LRP1B: variants seen among roughly 807,000 people sequenced by gnomAD.
The protein encoded by LRP1B is LDL receptor related protein 1B, also known as low-density lipoprotein receptor-related protein 1B.
In LRP1B, 217 loss-of-function variants were observed where a neutral mutation model predicts 556.6. The observed-to-expected ratio is 0.39, with a 90% confidence interval of 0.35 to 0.44. The LOEUF (loss-of-function observed/expected upper bound fraction) is 0.44. Among genes scored for constraint, LRP1B ranks in the 20% least tolerant of loss-of-function variants. The pLI is 1.00. For missense variants in LRP1B, 5,053 were observed against 5,620.8 expected (o/e 0.90, Z 3.23); for synonymous variants, 2,047 against 1,865.8 (o/e 1.10, Z -2.50).
At chr2:141,358,058 A>G (rs555301040) in intron 3 of LRP1B, among the ~76,000 whole-genome samples, 2 of 152,346 alleles carry the variant, frequency 1.3e-5, no homozygotes, top group African/African-American at 4.8e-5. Context: ...GTATTGTTTT[A>G]TACTTCTGAA....
At chr2:141,843,151 C>T (rs543255931) in intron 1 of LRP1B, among the ~76,000 whole-genome samples, 1 of 152,134 alleles carries the variant, frequency 6.6e-6, no homozygotes, top group Admixed American at 6.5e-5. Context: ...TTTTGTTTCT[C>T]TAATGAATAT....
chr2:142,008,221 T>A (rs1319164191), intron 1 of LRP1B, among the ~76,000 whole-genome samples: 8 of 152,200 alleles, frequency 5.3e-5, no homozygotes, highest in Non-Finnish European at 1.5e-5. Flanking sequence ...AGATCCTCTG[T>A]CTTCTATAGC....
chr2:141,492,091 A>AAAAAAAAACAAAC (rs67960557), intron 2 of LRP1B, among the ~76,000 whole-genome samples: 1 of 100,194 alleles, frequency 1.0e-5, no homozygotes, highest in Admixed American at 1.3e-4. Context: ...AAAAAAAAAA[A>AAAAAAAAACAAAC]CACTAAGAAA....
chr2:140,779,338 T>A (rs1689607490), intron 32 of LRP1B, among the ~76,000 whole-genome samples: 1 of 152,140 alleles, frequency 6.6e-6, no homozygotes, highest in Non-Finnish European at 1.5e-5. Context: ...AGTGAAGCAA[T>A]GCCTAGGAAA....
chr2:140,471,165 G>T (rs1004470168), intron 60 of LRP1B, among the ~76,000 whole-genome samples: 2 of 152,146 alleles, frequency 1.3e-5, no homozygotes, highest in African/African-American at 2.4e-5. Context: ...AAATTGCCAA[G>T]TCTCTCACTG....
intron 2 of LRP1B, among the ~76,000 whole-genome samples, chr2:141,749,373 A>G (rs1175189266): frequency 1.3e-5 from 2 of 152,120 alleles, no homozygotes; most frequent in East Asian, 1.9e-4. Context: ...ATTAACCCCA[A>G]CTTTAGAGAC....
At chr2:140,843,889 C>T (rs1692195588) in intron 29 of LRP1B, among the ~76,000 whole-genome samples, 1 of 152,074 alleles carries the variant, frequency 6.6e-6, no homozygotes, top group Admixed American at 6.5e-5. Flanking sequence ...TTTTTGGCCC[C>T]TCTCCCCAGT....
At position 140,406,270 on chromosome 2, in the gene LRP1B, T is replaced by C. The variant is rs564502947; in HGVS notation, c.10415-20261A>G. Among the ~76,000 whole-genome samples, 104 of 152,196 alleles carry C rather than the reference T, an allele frequency of 6.8e-4. 1 individual carries two copies. The highest frequency in any genetic ancestry group is 2.4e-3 in the African/African-American group (100 of 41,554). On this transcript the variant is annotated intron_variant, in intron 66 of 90. Transcript: ENST00000389484. ...GGGAAAAGTTGAAAGCATGACCCCC[T>C]GAGAACTGGAACAAGATAAGGATGT...
chr2:141,397,182 T>C (rs561456820), intron 3 of LRP1B, among the ~76,000 whole-genome samples: 15 of 139,226 alleles, frequency 1.1e-4, no homozygotes, highest in South Asian at 2.3e-4. Context: ...AGTTTAGAGA[T>C]GGTACTTTGT....
At chr2:140,606,017 G>A (rs946689788) in intron 41 of LRP1B, among the ~76,000 whole-genome samples, 1 of 151,956 alleles carries the variant, frequency 6.6e-6, no homozygotes, top group African/African-American at 2.4e-5. Flanking sequence ...GTAATTGGGG[G>A]TGGGGTAAAG....
At chr2:140,926,435 G>A (rs1334955398) in intron 20 of LRP1B, among the ~76,000 whole-genome samples, 5 of 151,822 alleles carry the variant, frequency 3.3e-5, no homozygotes, top group African/African-American at 4.8e-5. Context: ...TCAACCTCCT[G>A]GACTCATACA....
intron 83 of LRP1B, among the ~76,000 whole-genome samples, chr2:140,302,847 C>A (rs780264951): frequency 1.5e-4 from 23 of 151,824 alleles, no homozygotes; most frequent in Admixed American, 2.6e-4. Context: ...CAGGTCATTG[C>A]CCTTAGACTG....
At chr2:141,585,422 CGTGTGTGTGTGT>C (rs3041302) in intron 2 of LRP1B, among the ~76,000 whole-genome samples, 29 of 129,258 alleles carry the variant, frequency 2.2e-4, no homozygotes, top group East Asian at 7.5e-4. Context: ...CTGAAATAAT[CGTGTGTGTGTGT>C]GTGTGTGTGT....
chr2:140,979,202 C>T (rs1436609475), intron 18 of LRP1B, among the ~76,000 whole-genome samples: 1 of 152,110 alleles, frequency 6.6e-6, no homozygotes, highest in African/African-American at 2.4e-5. Flanking sequence ...TAGTCTCCAA[C>T]TCTTGGCCTC....
intron 66 of LRP1B, among the ~76,000 whole-genome samples, chr2:140,415,149 G>C (rs1962475): frequency 1.3e-5 from 2 of 151,784 alleles, no homozygotes; most frequent in Non-Finnish European, 2.9e-5. Context: ...GGGTCAGACC[G>C]GTTCTCTGCT....
At chr2:141,271,329 A>G (rs896026137) in intron 3 of LRP1B, among the ~76,000 whole-genome samples, 2 of 151,612 alleles carry the variant, frequency 1.3e-5, no homozygotes, top group Non-Finnish European at 3.0e-5. Flanking sequence ...GAACAGAACA[A>G]CAACATTAAA....
At chr2:141,331,163 C>T (rs1573816097) in intron 3 of LRP1B, among the ~76,000 whole-genome samples, 1 of 152,128 alleles carries the variant, frequency 6.6e-6, no homozygotes, top group African/African-American at 2.4e-5. Context: ...AGCCTCTTAC[C>T]TTCTCTCCTG....
intron 41 of LRP1B, among the ~76,000 whole-genome samples, chr2:140,689,993 T>C (rs879749917): frequency 2.6e-5 from 4 of 152,120 alleles, no homozygotes; most frequent in Admixed American, 1.3e-4. Flanking sequence ...AAACTTTCCA[T>C]CCCAAAATAT....
intron 1 of LRP1B, among the ~76,000 whole-genome samples, chr2:141,865,331 G>A (rs953630042): frequency 8.6e-5 from 13 of 151,988 alleles, no homozygotes; most frequent in African/African-American, 4.8e-5. Context: ...GGTGGCTCAC[G>A]CCTGTAATCC....
Sources: gnomAD v4.1 joint callset for allele counts (sites outside exome capture counted in the v4.1 genomes callset) on GRCh38, gnomAD v4.1.1 for gene constraint, MANE v1.5 for transcripts, NCBI Gene and HGNC (gene_info 2026-07-23, HGNC 2026-07-21) for gene names.